The following IQCK variants were observed in gnomAD, a reference collection of about 807,000 sequenced individuals.
IQCK encodes the protein IQ motif containing K, also known as IQ domain-containing protein K.
In IQCK, 29 loss-of-function variants were observed where a neutral mutation model predicts 28.1. That is an observed-to-expected ratio of 1.03 (90% confidence interval 0.77 to 1.41). The LOEUF is 1.41. Ranked by LOEUF, IQCK falls within the 40% of genes most tolerant of loss-of-function variation. IQCK has a pLI of 0.00. For missense variants in IQCK, 359 were observed against 314.7 expected, an observed-to-expected ratio of 1.14 and a Z score of -1.07; for synonymous variants, 113 against 115.1, an observed-to-expected ratio of 0.98 and a Z score of 0.12.
exon 10 of IQCK, chr16:19,857,701 AC>A (rs2056578961): frequency 5.7e-6 from 1 of 174,054 alleles, no homozygotes; most frequent in African/African-American, 2.7e-5. Context: ...CGAGACCACC[AC>A]CCGAGTTCAC....
At chr16:19,736,269 CT>C (rs963313498) in intron 4 of IQCK, 1 of 422,072 alleles carries the variant, frequency 2.4e-6, no homozygotes, top group African/African-American at 2.1e-5. Context: ...AGTTTAGTAT[CT>C]TTTTTCTTTT....
At chr16:19,838,246 T>C (rs1399824882) in intron 9 of IQCK, among the ~76,000 whole-genome samples, 3 of 152,072 alleles carry the variant, frequency 2.0e-5, no homozygotes, top group Admixed American at 2.0e-4. Context: ...TGGGCTTTTG[T>C]TGGGGAAAGC....
At chr16:19,843,143 T>C (rs1220393089) in intron 9 of IQCK, among the ~76,000 whole-genome samples, 1 of 152,234 alleles carries the variant, frequency 6.6e-6, no homozygotes, top group Admixed American at 6.5e-5. Flanking sequence ...TGATTCTGTC[T>C]CACCGCCTAG....
At chr16:19,763,187 A>G (rs1171730224) in intron 4 of IQCK, among the ~76,000 whole-genome samples, 1 of 152,184 alleles carries the variant, frequency 6.6e-6, no homozygotes, top group African/African-American at 2.4e-5. Context: ...CAGTAACACA[A>G]ATTTTGTATG....
chr16:19,745,655 G>T (rs537764924), intron 4 of IQCK, among the ~76,000 whole-genome samples: 1 of 152,152 alleles, frequency 6.6e-6, no homozygotes, highest in South Asian at 2.1e-4. Context: ...TTGCTGTGTT[G>T]TACAGTAAAC....
At chr16:19,780,270 G>C (rs1223127512) in intron 6 of IQCK, among the ~76,000 whole-genome samples, 1 of 151,658 alleles carries the variant, frequency 6.6e-6, no homozygotes, top group East Asian at 1.9e-4. Flanking sequence ...TTGCACTCCT[G>C]ACCTCAAGTG....
intron 7 of IQCK, among the ~76,000 whole-genome samples, chr16:19,809,030 TG>T (rs1219240132): frequency 6.6e-6 from 1 of 152,208 alleles, no homozygotes; most frequent in Admixed American, 6.5e-5. Context: ...GCTAATTTTC[TG>T]TATTTAGTAG....
intron 9 of IQCK, among the ~76,000 whole-genome samples, chr16:19,845,000 C>T (rs903956742): frequency 5.9e-5 from 9 of 152,074 alleles, no homozygotes; most frequent in East Asian, 1.9e-4. Context: ...GTAGAGGTTT[C>T]GCCACATTGC....
intron 6 of IQCK, among the ~76,000 whole-genome samples, chr16:19,766,642 T>C (rs943564427): frequency 2.6e-5 from 4 of 152,220 alleles, no homozygotes; most frequent in African/African-American, 9.6e-5. Flanking sequence ...ACCTGTGCAT[T>C]GTAGGATGTT....
At chr16:19,808,046 CA>C (rs2055855482) in intron 7 of IQCK, among the ~76,000 whole-genome samples, 2 of 152,132 alleles carry the variant, frequency 1.3e-5, no homozygotes, top group South Asian at 4.1e-4. Flanking sequence ...CTGTGCCCAG[CA>C]TGATTCCAGC....
intron 4 of IQCK, among the ~76,000 whole-genome samples, chr16:19,754,928 T>C (rs926749882): frequency 1.1e-4 from 16 of 152,334 alleles, no homozygotes; most frequent in Admixed American, 1.0e-3. Context: ...AATGACCCTG[T>C]GGCCTGGGCT....
intron 9 of IQCK, among the ~76,000 whole-genome samples, chr16:19,832,310 A>G (rs1201691277): frequency 6.6e-6 from 1 of 152,112 alleles, no homozygotes; most frequent in East Asian, 1.9e-4. Flanking sequence ...TTGTGTGTAT[A>G]TTCTTTATAT....
intron 6 of IQCK, among the ~76,000 whole-genome samples, chr16:19,786,029 G>T (rs1331863696): frequency 6.6e-6 from 1 of 152,154 alleles, no homozygotes; most frequent in Non-Finnish European, 1.5e-5. Context: ...GCTGGGAGGG[G>T]ATCCAGAAAG....
chr16:19,731,377 G>A (rs1235013043), intron 2 of IQCK, among the ~76,000 whole-genome samples: 1 of 152,298 alleles, frequency 6.6e-6, no homozygotes, highest in Admixed American at 6.5e-5. Context: ...CCTGTTTCTC[G>A]ACTTCTATTA....
At chr16:19,733,933 TAAGA>T in intron 3 of IQCK, 106 bp downstream of exon 3, 1 of 991,814 alleles carries the variant, frequency 1.0e-6, no homozygotes, top group South Asian at 1.8e-5. Context: ...ACCACATACA[TAAGA>T]AAGAATGTGT....
At chr16:19,752,995 C>G (rs2055006998) in intron 4 of IQCK, among the ~76,000 whole-genome samples, 1 of 152,120 alleles carries the variant, frequency 6.6e-6, no homozygotes, top group Non-Finnish European at 1.5e-5. Context: ...TGGCTCCACC[C>G]TCAAATGAGC....
intron 4 of IQCK, among the ~76,000 whole-genome samples, chr16:19,758,543 C>T (rs2055086444): frequency 1.3e-5 from 2 of 152,098 alleles, no homozygotes; most frequent in Admixed American, 6.6e-5. Context: ...TTTTGTAGGG[C>T]GGGAGAGAGA....
intron 6 of IQCK, among the ~76,000 whole-genome samples, chr16:19,764,579 G>A (rs1473353416): frequency 6.6e-6 from 1 of 151,996 alleles, no homozygotes; most frequent in Non-Finnish European, 1.5e-5. Flanking sequence ...CCACATTGAA[G>A]TAATCACTTC....
In IQCK at chr16:19,825,224, C is replaced by G. The variant is rs1189359724; in HGVS notation, c.691-1802C>G. Reference sequence around the variant, plus strand: ...GCCTTATTGGCTTGGCTTAGTGATTCAAATTTGTAAAATAGGCCGGGAGCA... The same window carrying G: ...GCCTTATTGGCTTGGCTTAGTGATTGAAATTTGTAAAATAGGCCGGGAGCA... On this transcript the variant is annotated intron_variant, in intron 7 of 7. Transcript: ENST00000564186. The surrounding 1 kb of genome is among the most constrained non-coding windows in gnomAD (Gnocchi z 4.2). Among the ~76,000 whole-genome samples the G allele has an allele frequency of 1.3e-5, 2 of 152,086 alleles. No homozygotes were observed. Among genetic ancestry groups the G allele is most frequent in the African/African-American group, 4.8e-5 (2 of 41,414 alleles).
Sources: gnomAD v4.1 joint callset for allele counts (sites outside exome capture counted in the v4.1 genomes callset) on GRCh38, gnomAD v4.1.1 for gene constraint, Gnocchi (gnomAD v3.1) non-coding constraint, MANE v1.5 for transcripts, NCBI Gene and HGNC (gene_info 2026-07-23, HGNC 2026-07-21) for gene names.